The following ALKBH1 variants were observed in gnomAD, a reference collection of about 807,000 sequenced individuals.
The protein encoded by ALKBH1 is nucleic acid dioxygenase ALKBH1.
Under a neutral mutation model 36.6 loss-of-function variants are expected in ALKBH1, and 31 were observed. The observed-to-expected ratio is 0.85, with a 90% CI of 0.64 to 1.14. ALKBH1 has a LOEUF of 1.14. Among genes scored for constraint, ALKBH1 ranks in the 50% most tolerant of loss-of-function variants. The pLI is 0.00. For synonymous variants in ALKBH1, 183 were observed against 186.6 expected (o/e 0.98, Z 0.16); for missense variants, 490 against 497.3 (o/e 0.99, Z 0.14).
intron 2 of ALKBH1, among the ~76,000 whole-genome samples, chr14:77,697,697 TAAAAAAAAA>T (rs57516221): frequency 1.9e-5 from 2 of 104,940 alleles, no homozygotes; most frequent in Non-Finnish European, 3.8e-5. Context: ...TTTGCTGTAA[TAAAAAAAAA>T]AAAAAAAAAA....
At chr14:77,707,576 C>G (rs1436115858) in intron 1 of ALKBH1, among the ~76,000 whole-genome samples, 2 of 152,102 alleles carry the variant, frequency 1.3e-5, no homozygotes. Context: ...AAGAAATAAA[C>G]ACGGATTCCC....
intron 2 of ALKBH1, among the ~76,000 whole-genome samples, chr14:77,698,007 C>T (rs1382481026): frequency 1.3e-5 from 2 of 151,738 alleles, no homozygotes; most frequent in East Asian, 3.9e-4. Flanking sequence ...AAACAGACTG[C>T]CTCAAAAGAA....
At chr14:77,705,414 A>G (rs1302531381) in intron 1 of ALKBH1, among the ~76,000 whole-genome samples, 5 of 32,994 alleles carry the variant, frequency 1.5e-4, no homozygotes, top group East Asian at 7.7e-4. Context: ...CGTCTAAGAA[A>G]AAAAAAAAAA....
intron 1 of ALKBH1, among the ~76,000 whole-genome samples, chr14:77,705,268 T>G (rs1324979468): frequency 6.6e-6 from 1 of 151,700 alleles, no homozygotes; most frequent in Non-Finnish European, 1.5e-5. Flanking sequence ...CAAAAATTAG[T>G]TGGGTGTAGT....
At chr14:77,693,224 A>AAACC (rs369220185) in intron 3 of ALKBH1, among the ~76,000 whole-genome samples, 1 of 126,410 alleles carries the variant, frequency 7.9e-6, no homozygotes, top group Non-Finnish European at 1.6e-5. Flanking sequence ...AAAAAAAAAA[A>AAACC]TTTTTTTTCA....
intron 3 of ALKBH1, chr14:77,683,506 T>C (rs553595477): frequency 3.5e-4 from 239 of 682,674 alleles, no homozygotes; most frequent in South Asian, 3.3e-3. Flanking sequence ...AGTTTTGCCA[T>C]GGCAACATTT....
chr14:77,697,179 T>G (rs1212450715), intron 2 of ALKBH1: 1 of 171,636 alleles, frequency 5.8e-6, no homozygotes, highest in Non-Finnish European at 1.3e-5. Flanking sequence ...GGTGGAAGAG[T>G]TGAATTCTTA....
Position 77,673,877 on chromosome 14 carries a change from C to T in ALKBH1, c.1105G>A (p.Gly369Ser). The T allele has an allele frequency of 6.2e-7, 1 of 1,614,194 alleles. No individual in the cohort carries two copies. The highest frequency in any genetic ancestry group is 8.5e-7 in the Non-Finnish European group (1 of 1,180,032). ...EDEKRDISTE[G>S]FCHLDDQNSE... is the part of the protein sequence containing the mutation. ...TTCTGGTCATCCAGATGGCAGAAAC[C>T]TTCTGTACTGATGTCTCTTTTTTCA... is the stretch of plus-strand genomic sequence containing the variant. The change falls in exon 6 of 6, where the codon GGT (glycine) becomes AGT (serine). Residue 369 changes from glycine to serine, a missense_variant. Transcript: ENST00000216489.
rs57516221 is a variant in ALKBH1 at position 77,697,697 on chromosome 14, TAA to T, written c.293-2799_293-2798del. ...TTACAAATAAAATCATTTGCTGTAA[TAA>T]AAAAAAAAAAAAAAAAAAAGAATTA... On this transcript the variant is annotated intron_variant, in intron 2 of 5. Transcript: ENST00000216489. 4.2e-3 allele frequency among the ~76,000 whole-genome samples: 442 copies of T among 104,880 alleles called. 1 individual carries two copies. The highest frequency in any genetic ancestry group is 5.8e-3 in the Non-Finnish European group (302 of 52,338). 68.8% of individuals were successfully genotyped at this position (104,880 alleles called of 152,430 possible). A position where few individuals can be genotyped will look rare whatever the true frequency, so the allele number is the denominator to read the frequency against.
chr14:77,707,979 C>T lies in ALKBH1; in HGVS notation c.26G>A (p.Gly9Asp). The change falls in exon 1 of 6, where the codon GGC becomes GAC. Residue 9 changes from glycine to aspartate, a missense_variant. Transcript: ENST00000216489. MGKMAAAVGSVATLATEPG... is the reference protein window; with the variant it reads MGKMAAAVDSVATLATEPG... ...CTCAGTCGCCAGAGTCGCCACAGAG[C>T]CCACGGCCGCTGCCATCTTCCCCAT... The T allele has an allele frequency of 6.8e-6, 11 of 1,611,418 alleles. No individual in the cohort carries two copies. Among genetic ancestry groups the T allele is most frequent in the Admixed American group, 1.7e-5 (1 of 59,736 alleles).
At chr14:77,706,068 A>C (rs1156387203) in intron 1 of ALKBH1, among the ~76,000 whole-genome samples, 2 of 145,954 alleles carry the variant, frequency 1.4e-5, no homozygotes, top group African/African-American at 5.1e-5. Flanking sequence ...AAAAAAAAGT[A>C]TATATATTAT....
At position 77,673,557 on chromosome 14, in the gene ALKBH1, T is replaced by C. The variant is rs2080187644; in HGVS notation, c.*255A>G. On this transcript the variant is annotated 3_prime_UTR_variant, in exon 6 of 6. Coordinates refer to ENST00000216489, the MANE Select transcript of ALKBH1 (RefSeq NM_006020.3). ...CTGAGAAGGCTGTTGTGGAAGAACA[T>C]ACCTCCTTGGACTGACTTCTCAACA... is the stretch of plus-strand genomic sequence containing the variant. The C allele has an allele frequency of 2.2e-6, 1 of 464,966 alleles. No individual in the cohort carries two copies. The highest frequency in any genetic ancestry group is 3.8e-6 in the Non-Finnish European group (1 of 260,126). 28.8% of individuals were successfully genotyped at this position (464,966 alleles called of 1,614,324 possible). A position where few individuals can be genotyped will look rare whatever the true frequency, so the allele number is the denominator to read the frequency against.
At chr14:77,680,092 G>C (rs896101583) in intron 3 of ALKBH1, 122 bp from the exon 4 acceptor site, 2 of 691,040 alleles carry the variant, frequency 2.9e-6, no homozygotes, top group African/African-American at 3.6e-5. Flanking sequence ...AGACTCAGTA[G>C]GAGAAATTAG....
chr14:77,704,004 T>C (rs2080374505), intron 2 of ALKBH1, among the ~76,000 whole-genome samples: 1 of 152,208 alleles, frequency 6.6e-6, no homozygotes, highest in East Asian at 1.9e-4. Flanking sequence ...AGAGGGACAA[T>C]TATGAATTAT....
At position 77,673,161 on chromosome 14, in the gene ALKBH1, G is replaced by C. The variant is rs1471157731; in HGVS notation, c.*651C>G. The C allele has an allele frequency of 1.3e-5, 2 of 152,168 alleles. No homozygotes were observed. Among genetic ancestry groups the C allele is most frequent in the African/African-American group, 4.8e-5 (2 of 41,424 alleles). The allele number at this position is 152,168 out of a possible 1,614,324, so 9.4% of individuals were successfully genotyped here. A position where few individuals can be genotyped will look rare whatever the true frequency, so the allele number is the denominator to read the frequency against. ...AAAGCCAACAGGGAGTTTGGAGACC[G>C]AAATGACATGTAGAGAAACTAAATT... On this transcript the variant is annotated 3_prime_UTR_variant, in exon 6 of 6. Transcript: ENST00000216489.
chr14:77,685,512 C>T (rs1036680828), intron 3 of ALKBH1, among the ~76,000 whole-genome samples: 2 of 151,584 alleles, frequency 1.3e-5, no homozygotes, highest in Non-Finnish European at 2.9e-5. Flanking sequence ...CGTGGTGGCT[C>T]ACGCTTGTAA....
chr14:77,691,890 C>G (rs922194400), intron 3 of ALKBH1: 1 of 152,170 alleles, frequency 6.6e-6, no homozygotes, highest in Non-Finnish European at 1.5e-5. Flanking sequence ...TACTTAACCA[C>G]GATCTTCCTT....
intron 2 of ALKBH1, among the ~76,000 whole-genome samples, chr14:77,700,935 TA>T (rs1007472793): frequency 8.1e-5 from 12 of 148,994 alleles, no homozygotes; most frequent in African/African-American, 2.7e-4. Context: ...AAAAAATAAA[TA>T]AAAAAAAAAT....
chr14:77,675,903 G>T, intron 4 of ALKBH1, 54 bp from the exon 5 acceptor site: 1 of 1,432,244 alleles, frequency 7.0e-7, no homozygotes, highest in South Asian at 1.2e-5. Flanking sequence ...CAGGAATACA[G>T]GAAACTATAA....
Sources: gnomAD v4.1 joint callset for allele counts (sites outside exome capture counted in the v4.1 genomes callset) on GRCh38, gnomAD v4.1.1 for gene constraint, MANE v1.5 for transcripts, NCBI Gene and HGNC (gene_info 2026-07-23, HGNC 2026-07-21) for gene names.